Variants in RNF125 observed in about 807,000 individuals in gnomAD.
The protein encoded by RNF125 is E3 ubiquitin-protein ligase RNF125.
RNF125 carries 21 observed loss-of-function variants against 26.0 expected under a neutral mutation model. The observed-to-expected ratio is 0.81, with a 90% CI of 0.57 to 1.16. The LOEUF is 1.16. Among genes scored for constraint, RNF125 ranks in the 50% most tolerant of loss-of-function variants. The pLI is 0.00. For missense variants in RNF125, 270 were observed against 299.4 expected (o/e 0.90, Z 0.72); for synonymous variants, 95 against 109.2 (o/e 0.87, Z 0.81).
the RNF125 span, among the ~76,000 whole-genome samples, chr18:32,082,563 T>C: frequency 2.0e-5 from 3 of 152,114 alleles, no homozygotes; most frequent in Non-Finnish European, 4.4e-5. Flanking sequence ...GATATAAAGT[T>C]TGTCAAACAG....
At chr18:32,050,291 G>C (rs2039311114) in intron 4 of RNF125, among the ~76,000 whole-genome samples, 1 of 151,974 alleles carries the variant, frequency 6.6e-6, no homozygotes, top group African/African-American at 2.4e-5. Context: ...GCTCCTTTTT[G>C]TCAAGCAGTA....
At chr18:32,084,709 G>A in the RNF125 span, among the ~76,000 whole-genome samples, 1 of 152,190 alleles carries the variant, frequency 6.6e-6, no homozygotes, top group Admixed American at 6.5e-5. Flanking sequence ...TCACAAGCTG[G>A]GATTATATTC....
intron 4 of RNF125, among the ~76,000 whole-genome samples, chr18:32,065,686 C>T (rs147063668): frequency 0.011 from 1,657 of 152,262 alleles, 9 homozygotes; most frequent in Non-Finnish European, 0.018. Context: ...GCACGTACCA[C>T]CACGCCCAGC....
At chr18:32,019,670 C>T (rs918450266) in intron 1 of RNF125, among the ~76,000 whole-genome samples, 7 of 152,064 alleles carry the variant, frequency 4.6e-5, no homozygotes, top group African/African-American at 1.7e-4. Context: ...AGTGACTTTC[C>T]ACAGTTGTTA....
chr18:32,081,015 G>C, the RNF125 span, among the ~76,000 whole-genome samples: 2 of 151,984 alleles, frequency 1.3e-5, no homozygotes, highest in Admixed American at 1.3e-4. Flanking sequence ...GTGAAACCCC[G>C]TGTCTACTAA....
At chr18:32,056,027 T>A (rs1181586979) in intron 4 of RNF125, among the ~76,000 whole-genome samples, 1 of 150,356 alleles carries the variant, frequency 6.7e-6, no homozygotes, top group Non-Finnish European at 1.5e-5. Flanking sequence ...TAAAAAAAAT[T>A]TAAACCCTAA....
intron 1 of RNF125, among the ~76,000 whole-genome samples, chr18:32,019,762 G>C (rs1325112523): frequency 1.3e-5 from 2 of 152,194 alleles, no homozygotes; most frequent in African/African-American, 4.8e-5. Context: ...CAGCCACAAC[G>C]TAACAGGAGG....
chr18:32,032,615 TGGG>T (rs1178423172), intron 1 of RNF125, among the ~76,000 whole-genome samples: 8 of 152,102 alleles, frequency 5.3e-5, no homozygotes, highest in Admixed American at 5.2e-4. Context: ...AAGCAGGACG[TGGG>T]CAGACAATCC....
At chr18:32,028,710 G>A (rs940253209) in intron 1 of RNF125, among the ~76,000 whole-genome samples, 3 of 150,808 alleles carry the variant, frequency 2.0e-5, no homozygotes, top group Non-Finnish European at 4.4e-5. Flanking sequence ...GTGCCAACAC[G>A]CCCGGCTAAT....
chr18:32,046,214 C>CAAAAA, intron 4 of RNF125, among the ~76,000 whole-genome samples: 1 of 76,174 alleles, frequency 1.3e-5, no homozygotes, highest in Non-Finnish European at 2.3e-5. Flanking sequence ...AAGACTGTCT[C>CAAAAA]AAAAAAAAAA....
At chr18:32,029,452 C>T (rs2039070657) in intron 1 of RNF125, among the ~76,000 whole-genome samples, 2 of 143,368 alleles carry the variant, frequency 1.4e-5, no homozygotes, top group South Asian at 2.2e-4. Context: ...AGTGAGACCT[C>T]GTCTGTACAG....
intron 4 of RNF125, among the ~76,000 whole-genome samples, chr18:32,054,086 CTTTTTTTTTTTTT>C (rs35616121): frequency 2.3e-5 from 2 of 88,362 alleles, no homozygotes; most frequent in Admixed American, 1.4e-4. Flanking sequence ...GACATTTGTA[CTTTTTTTTTTTTT>C]TTTTTTTTTT....
intron 4 of RNF125, among the ~76,000 whole-genome samples, chr18:32,053,072 G>C (rs1450637970): frequency 6.6e-6 from 1 of 152,174 alleles, no homozygotes; most frequent in East Asian, 1.9e-4. Flanking sequence ...GTAGAAAATA[G>C]ATGTCATTGG....
chr18:32,033,335 G>A (rs2039117961), intron 1 of RNF125, among the ~76,000 whole-genome samples: 1 of 152,010 alleles, frequency 6.6e-6, no homozygotes, highest in African/African-American at 2.4e-5. Flanking sequence ...CACCAGCCTG[G>A]CCAACATGGT....
At chr18:32,030,243 A>G (rs2039079220) in intron 1 of RNF125, among the ~76,000 whole-genome samples, 1 of 151,918 alleles carries the variant, frequency 6.6e-6, no homozygotes, top group African/African-American at 2.4e-5. Flanking sequence ...GGGTTTCACC[A>G]TGTTGGCCAG....
At chr18:32,077,051 G>C (rs569967924), downstream of RNF125, among the ~76,000 whole-genome samples, 4 of 151,942 alleles carry the variant, frequency 2.6e-5, no homozygotes, top group African/African-American at 7.2e-5. Flanking sequence ...ATAAATTTTG[G>C]ATTGCAAGTA....
intron 2 of RNF125, 95 bp downstream of exon 2, chr18:32,037,364 C>CTTTTTTTTTTTTTTT (rs796828237): frequency 7.9e-6 from 1 of 127,076 alleles, no homozygotes; most frequent in African/African-American, 5.1e-5. Context: ...TGGTACGCAC[C>CTTTTTTTTTTTTTTT]TTTTTTTTTT....
At chr18:32,034,283 T>C (rs1413730994) in intron 1 of RNF125, among the ~76,000 whole-genome samples, 1 of 152,238 alleles carries the variant, frequency 6.6e-6, no homozygotes, top group African/African-American at 2.4e-5. Context: ...ATCTTCTCTG[T>C]GGTTCATCCT....
chr18:32,045,118 C>CA (rs1189548121), intron 3 of RNF125, among the ~76,000 whole-genome samples: 1,159 of 115,080 alleles, frequency 0.01, 1 homozygote, highest in South Asian at 0.029. Context: ...ACTCCCTCTC[C>CA]AAAAAAAAAA....
Sources: allele counts gnomAD v4.1 joint callset (sites outside exome capture counted in the v4.1 genomes callset), GRCh38; gene constraint gnomAD v4.1.1; transcripts MANE v1.5; gene names NCBI Gene and HGNC (gene_info 2026-07-23, HGNC 2026-07-21).